The following TRAIP variants were observed in gnomAD, a reference collection of about 807,000 sequenced individuals.
TRAIP encodes TRAF interacting protein, also known as E3 ubiquitin-protein ligase TRAIP.
TRAIP carries 37 observed loss-of-function variants against 65.0 expected under a neutral mutation model. That is an observed-to-expected ratio of 0.57 (90% CI 0.44 to 0.75). TRAIP has a LOEUF of 0.75. Among genes scored for constraint, TRAIP ranks in the 30% least tolerant of loss-of-function variants. The pLI is 0.00. For missense variants in TRAIP, 481 were observed against 579.4 expected (o/e 0.83, Z 1.74); for synonymous variants, 187 against 219.1 (o/e 0.85, Z 1.29).
At chr3:49,845,235 A>G (rs1325958657) in intron 3 of TRAIP, among the ~76,000 whole-genome samples, 1 of 152,256 alleles carries the variant, frequency 6.6e-6, no homozygotes, top group African/African-American at 2.4e-5. Flanking sequence ...CATGCCACAG[A>G]ATCATTGAGA....
chr3:49,847,242 C>A (rs1156864977), intron 3 of TRAIP, among the ~76,000 whole-genome samples: 3 of 150,958 alleles, frequency 2.0e-5, no homozygotes, highest in Non-Finnish European at 3.0e-5. Flanking sequence ...ATTAACCGAG[C>A]ATGGTGGTGC....
intron 3 of TRAIP, among the ~76,000 whole-genome samples, chr3:49,846,946 C>A (rs1224475352): frequency 6.6e-6 from 1 of 151,972 alleles, no homozygotes; most frequent in South Asian, 2.1e-4. Context: ...TTTGGGAGGC[C>A]GAGGTGGGTG....
At chr3:49,847,180 AAAATAAATAAATAAATAAATAAAT>A (rs56321532) in intron 3 of TRAIP, among the ~76,000 whole-genome samples, 1 of 144,316 alleles carries the variant, frequency 6.9e-6, no homozygotes, top group Non-Finnish European at 1.5e-5. Flanking sequence ...ACTTCATCTC[AAAATAAATAAATAAATAAATAAAT>A]AAATAAATAA....
intron 1 of TRAIP, among the ~76,000 whole-genome samples, chr3:49,853,764 G>A (rs367794283): frequency 1.3e-5 from 2 of 151,806 alleles, no homozygotes; most frequent in East Asian, 3.9e-4. Context: ...GGAGAATCAC[G>A]TGAACCCAAG....
intron 11 of TRAIP, among the ~76,000 whole-genome samples, chr3:49,830,655 C>T (rs2081723109): frequency 6.6e-6 from 1 of 152,238 alleles, no homozygotes. Context: ...CTCCCAATCC[C>T]AGCCCCAGAG....
At chr3:49,833,408 C>T (rs560234403) in intron 10 of TRAIP, among the ~76,000 whole-genome samples, 104 of 152,250 alleles carry the variant, frequency 6.8e-4, no homozygotes, top group African/African-American at 2.4e-3. Context: ...TCAGGAGGTT[C>T]TCACGGTGCC....
At chr3:49,848,949 C>T (rs1440115233) in intron 1 of TRAIP, among the ~76,000 whole-genome samples, 2 of 151,830 alleles carry the variant, frequency 1.3e-5, no homozygotes, top group East Asian at 3.9e-4. Flanking sequence ...TTGGTTCAAA[C>T]GATTCTCCTA....
chr3:49,843,726 A>G (rs751674057), intron 5 of TRAIP, 75 bp downstream of exon 5: 2 of 1,561,864 alleles, frequency 1.3e-6, no homozygotes, highest in South Asian at 2.3e-5. Context: ...CCAGAAGATA[A>G]GCCCAGAATG....
intron 1 of TRAIP, among the ~76,000 whole-genome samples, chr3:49,848,536 G>A (rs970765860): frequency 3.9e-5 from 6 of 152,246 alleles, no homozygotes; most frequent in Admixed American, 3.9e-4. Flanking sequence ...CCCATTTTAA[G>A]CTGGAATCCC....
At chr3:49,843,487 C>A in intron 5 of TRAIP, 1 of 257,132 alleles carries the variant, frequency 3.9e-6, no homozygotes, top group Middle Eastern at 1.4e-3. Context: ...AGAGTATGAA[C>A]CACTTTCGGA....
chr3:49,829,822 AG>A (rs1471714610), intron 12 of TRAIP, 56 bp from the exon 13 acceptor site: 26 of 1,607,214 alleles, frequency 1.6e-5, no homozygotes, highest in Non-Finnish European at 1.8e-5. Context: ...CAAAGGAGGG[AG>A]GGTAGTGGTG....
intron 12 of TRAIP, 41 bp downstream of exon 12, chr3:49,829,979 C>G (rs2081718211): frequency 1.2e-6 from 2 of 1,612,974 alleles, no homozygotes; most frequent in African/African-American, 2.7e-5. Flanking sequence ...AAGTCCAGTC[C>G]TGCCAAAGGT....
chr3:49,829,363 C>T, intron 14 of TRAIP, 95 bp downstream of exon 14: 1 of 1,611,758 alleles, frequency 6.2e-7, no homozygotes, highest in South Asian at 1.1e-5. Context: ...GCACTGCACA[C>T]CTGAGGCTGT....
intron 3 of TRAIP, among the ~76,000 whole-genome samples, chr3:49,845,523 C>T (rs1045354597): frequency 8.5e-5 from 13 of 152,234 alleles, no homozygotes; most frequent in Non-Finnish European, 1.6e-4. Context: ...AACTCTCCAC[C>T]TAGGACTCTG....
chr3:49,836,885 A>C (rs2081792394), intron 10 of TRAIP, among the ~76,000 whole-genome samples: 2 of 151,902 alleles, frequency 1.3e-5, no homozygotes, highest in African/African-American at 4.8e-5. Flanking sequence ...GGTTTCAACC[A>C]GATCAACTGT....
rs369694591 is a variant in TRAIP, at chr3:49,847,424, G to GAA, written c.240+99_240+100dup. The GAA allele has an allele frequency of 1.5e-3, 809 of 527,392 alleles. 7 individuals carry two copies. The African/African-American group carries it at 0.017, about 11-fold the overall frequency. 32.7% of individuals were successfully genotyped at this position (527,392 alleles called of 1,614,324 possible). A position where few individuals can be genotyped will look rare whatever the true frequency, so the allele number is the denominator to read the frequency against. ...AGAAAAGAAAAGAAAAGAGAAAAGA[G>GAA]AAGAGAAGAGAAGAGAAGAGAAAAA... On this transcript the variant is annotated intron_variant, in intron 3 of 14. Transcript: ENST00000331456.
chr3:49,829,030 A>G lies in TRAIP; in HGVS notation c.*73T>C. 6.2e-7 allele frequency: 1 copy of G among 1,607,362 alleles called. No homozygotes were observed. Among genetic ancestry groups the G allele is most frequent in the Non-Finnish European group, 8.5e-7 (1 of 1,174,992 alleles). On this transcript the variant is annotated 3_prime_UTR_variant, in exon 15 of 15. Coordinates refer to ENST00000331456, the MANE Select transcript of TRAIP (RefSeq NM_005879.3). ...TCCCGAAAGTGGGGCTCTGTCCACAAAACCCCTGCCTGGACAGTCCTTGAC... is the reference window on the plus strand; with the variant it reads ...TCCCGAAAGTGGGGCTCTGTCCACAGAACCCCTGCCTGGACAGTCCTTGAC...
At chr3:49,845,467 C>T (rs2081873846) in intron 3 of TRAIP, among the ~76,000 whole-genome samples, 2 of 152,188 alleles carry the variant, frequency 1.3e-5, no homozygotes, top group South Asian at 4.1e-4. Flanking sequence ...CACATGTGAC[C>T]AATAGTATGG....
intron 10 of TRAIP, among the ~76,000 whole-genome samples, chr3:49,833,016 C>T (rs1164597528): frequency 1.3e-5 from 2 of 152,090 alleles, no homozygotes; most frequent in African/African-American, 2.4e-5. Flanking sequence ...GTCCAGGACC[C>T]TAGAAGCTCT....
Sources: allele counts gnomAD v4.1 joint callset (sites outside exome capture counted in the v4.1 genomes callset), GRCh38; gene constraint gnomAD v4.1.1; transcripts MANE v1.5; gene names NCBI Gene and HGNC (gene_info 2026-07-23, HGNC 2026-07-21).